Variants in DLG2 observed in about 807,000 individuals in gnomAD.
The protein encoded by DLG2 is discs large MAGUK scaffold protein 2.
Under a neutral mutation model 132.5 loss-of-function variants are expected in DLG2, and 45 were observed. The observed-to-expected ratio is 0.34, with a 90% CI of 0.27 to 0.44. The LOEUF (loss-of-function observed/expected upper bound fraction) is 0.44, where lower values mean the gene tolerates loss of function less well. Among genes scored for constraint, DLG2 ranks in the 20% least tolerant of loss-of-function variants. The pLI, the probability that DLG2 is intolerant of heterozygous loss-of-function variation, is 1.00. For synonymous variants in DLG2, 424 were observed against 419.6 expected (o/e 1.01, Z -0.13); for missense variants, 1,045 against 1,196.9 (o/e 0.87, Z 1.87).
chr11:85,235,753 G>C (rs2075552753), intron 4 of DLG2, among the ~76,000 whole-genome samples: 1 of 151,880 alleles, frequency 6.6e-6, no homozygotes, highest in African/African-American at 2.4e-5. Context: ...AAGTAGAATA[G>C]TAGGAAATAC....
intron 6 of DLG2, among the ~76,000 whole-genome samples, chr11:85,024,462 A>T (rs2060343951): frequency 6.6e-6 from 1 of 152,218 alleles, no homozygotes; most frequent in Non-Finnish European, 1.5e-5. Context: ...TTTCCTCAGA[A>T]TTCAGTCAGC....
At chr11:84,525,828 C>G (rs987503682) in intron 7 of DLG2, among the ~76,000 whole-genome samples, 1 of 152,128 alleles carries the variant, frequency 6.6e-6, no homozygotes, top group African/African-American at 2.4e-5. Context: ...TTACATTATG[C>G]GTCAGTATCC....
chr11:83,550,291 C>T (rs11233667), intron 19 of DLG2, among the ~76,000 whole-genome samples: 55,871 of 151,948 alleles, frequency 0.37, 10,433 homozygotes, highest in Middle Eastern at 0.53. Context: ...AGCATAACTT[C>T]CAGGGGGAAC....
chr11:84,782,422 C>T (rs1487067678), intron 6 of DLG2, among the ~76,000 whole-genome samples: 15 of 148,006 alleles, frequency 1.0e-4, no homozygotes. Context: ...ATTCTCTTTC[C>T]CACTAACTAC....
At chr11:83,911,949 C>A (rs559401655) in intron 15 of DLG2, among the ~76,000 whole-genome samples, 1 of 150,798 alleles carries the variant, frequency 6.6e-6, no homozygotes, top group African/African-American at 2.4e-5. Flanking sequence ...TAATTCCTAC[C>A]CCAAAGGTTA....
chr11:85,335,313 G>C (rs1361658060), intron 3 of DLG2, among the ~76,000 whole-genome samples: 1 of 151,364 alleles, frequency 6.6e-6, no homozygotes, highest in African/African-American at 2.4e-5. Flanking sequence ...GGGTGTCACT[G>C]CATGTGAGAC....
In DLG2 at chr11:83,843,769, G is replaced by A. The variant is rs115013552; in HGVS notation, c.1566-9999C>T. On this transcript the variant is annotated intron_variant, in intron 16 of 27. Coordinates refer to ENST00000376104, the MANE Select transcript of DLG2 (RefSeq NM_001142699.3). ...TCTCATGGGGAAGTGTTGAAATTCC[G>A]ATAAGACAATGAACTAAAGGCATCT... is the stretch of plus-strand genomic sequence containing the variant. Among the ~76,000 whole-genome samples the A allele has an allele frequency of 9.2e-3, 1,392 of 152,130 alleles. 23 individuals carry two copies. The highest frequency in any genetic ancestry group is 0.031 in the African/African-American group (1,294 of 41,496).
chr11:84,714,549 T>TTCTCTTTCTC lies in DLG2; in HGVS notation c.358-179819_358-179818insGAGAAAGAGA, dbSNP rs1565748003. Among the ~76,000 whole-genome samples the TTCTCTTTCTC allele has an allele frequency of 8.5e-5, 5 of 59,132 alleles. 1 individual carries two copies. The highest frequency in any genetic ancestry group is 1.4e-4 in the Non-Finnish European group (5 of 35,060). The allele number at this position is 59,132 out of a possible 152,430, so 38.8% of individuals were successfully genotyped here. A position where few individuals can be genotyped will look rare whatever the true frequency, so the allele number is the denominator to read the frequency against. On this transcript the variant is annotated intron_variant, in intron 6 of 27. Transcript: ENST00000376104. ...TTCCTCTTTCTCTTTCTCTTTCTCT[T>TTCTCTTTCTC]TCTCTCTCTTTCTCTTTCTCTTTCT...
chr11:85,375,080 C>T (rs997362204), intron 3 of DLG2, among the ~76,000 whole-genome samples: 1 of 149,938 alleles, frequency 6.7e-6, no homozygotes, highest in Non-Finnish European at 1.5e-5. Context: ...TCCCTTTGTT[C>T]CTTCTTTTTT....
intron 3 of DLG2, among the ~76,000 whole-genome samples, chr11:85,496,647 A>T (rs1337111587): frequency 6.6e-6 from 1 of 152,144 alleles, no homozygotes. Flanking sequence ...ATGTAGCCTG[A>T]CTGGGAGACA....
intron 18 of DLG2, among the ~76,000 whole-genome samples, chr11:83,753,834 TG>T (rs1566831494): frequency 0.026 from 352 of 13,350 alleles, 10 homozygotes; most frequent in African/African-American, 0.13. Flanking sequence ...CATATATATA[TG>T]ATATATATCA....
chr11:85,142,819 G>A (rs2076586615), intron 5 of DLG2, among the ~76,000 whole-genome samples: 1 of 151,536 alleles, frequency 6.6e-6, no homozygotes, highest in East Asian at 1.9e-4. Context: ...ATGAAATATG[G>A]TTTTATCCTT....
At chr11:83,817,588 T>C (rs146460293) in intron 17 of DLG2, among the ~76,000 whole-genome samples, 1 of 152,244 alleles carries the variant, frequency 6.6e-6, no homozygotes, top group Admixed American at 6.5e-5. Context: ...TAAAGGGAAG[T>C]CTTAGGCTGG....
At chr11:85,024,344 C>T (rs1027199087) in intron 6 of DLG2, among the ~76,000 whole-genome samples, 1 of 152,094 alleles carries the variant, frequency 6.6e-6, no homozygotes, top group Non-Finnish European at 1.5e-5. Context: ...ACATGACAAC[C>T]TTTGTTAAAC....
intron 7 of DLG2, among the ~76,000 whole-genome samples, chr11:84,442,879 C>A (rs1245302189): frequency 6.6e-6 from 1 of 151,860 alleles, no homozygotes; most frequent in African/African-American, 2.4e-5. Context: ...TATTAAAAAG[C>A]AAAGCAAAGG....
At chr11:85,538,139 A>G (rs1222413075) in intron 3 of DLG2, among the ~76,000 whole-genome samples, 2 of 151,780 alleles carry the variant, frequency 1.3e-5, no homozygotes, top group African/African-American at 4.9e-5. Flanking sequence ...AAATTAAAAA[A>G]TAAAAAAAGA....
At chr11:83,877,427 G>A (rs2065042715) in intron 15 of DLG2, among the ~76,000 whole-genome samples, 1 of 152,104 alleles carries the variant, frequency 6.6e-6, no homozygotes, top group African/African-American at 2.4e-5. Flanking sequence ...ATAAGTAACT[G>A]TAATTTCTGA....
chr11:84,395,719 A>T (rs2098808703), intron 7 of DLG2, among the ~76,000 whole-genome samples: 1 of 152,264 alleles, frequency 6.6e-6, no homozygotes, highest in Admixed American at 6.5e-5. Context: ...AGATTTAATC[A>T]TTCCGCAGTG....
At chr11:84,082,881 T>C (rs947806665) in intron 10 of DLG2, among the ~76,000 whole-genome samples, 2 of 152,198 alleles carry the variant, frequency 1.3e-5, no homozygotes, top group African/African-American at 2.4e-5. Flanking sequence ...GAAAATAGAA[T>C]AGTAAATGAA....
Sources: gnomAD v4.1 joint callset for allele counts (sites outside exome capture counted in the v4.1 genomes callset) on GRCh38, gnomAD v4.1.1 for gene constraint, MANE v1.5 for transcripts, NCBI Gene and HGNC (gene_info 2026-07-23, HGNC 2026-07-21) for gene names.